The following PCDH11Y variants were observed in gnomAD, a reference collection of about 807,000 sequenced individuals.
PCDH11Y encodes the protein protocadherin 11 Y-linked.
For missense variants in PCDH11Y, 12 were observed against 224.8 expected (o/e 0.05, Z 6.05); for synonymous variants, 9 against 83.6 (o/e 0.11, Z 4.87).
At chrY:5,387,236 G>C (rs2053216708) in intron 2 of PCDH11Y, among the ~76,000 whole-genome samples, 1 of 32,797 alleles carries the variant, frequency 3.0e-5, no homozygotes, top group African/African-American at 1.2e-4. Flanking sequence ...ATATTGGCTA[G>C]GCTGGTCTTG....
intron 4 of PCDH11Y, among the ~76,000 whole-genome samples, chrY:5,689,487 A>G: frequency 5.9e-5 from 2 of 33,632 alleles, no homozygotes; most frequent in African/African-American, 2.3e-4. Flanking sequence ...AATCGTTGCC[A>G]TATTTTGAAA....
intron 3 of PCDH11Y, among the ~76,000 whole-genome samples, chrY:5,505,006 AGCCAGGG>A (rs2053357744): frequency 3.0e-5 from 1 of 33,141 alleles, no homozygotes; most frequent in Non-Finnish European, 7.5e-5. Context: ...ATGTTTATGA[AGCCAGGG>A]TTTTTATGTT....
intron 2 of PCDH11Y, among the ~76,000 whole-genome samples, chrY:5,407,839 A>C (rs1286274413): frequency 3.7e-5 from 1 of 26,774 alleles, no homozygotes; most frequent in African/African-American, 1.5e-4. Flanking sequence ...GGAGTGAACC[A>C]GCGGGCGGAG....
intron 2 of PCDH11Y, among the ~76,000 whole-genome samples, chrY:5,160,589 G>A: frequency 9.5e-5 from 3 of 31,420 alleles, no homozygotes; most frequent in Non-Finnish European, 2.4e-4. Context: ...ACTATATACA[G>A]ATTTTGTGAG....
chrY:5,577,451 C>T (rs2053447224), intron 3 of PCDH11Y, among the ~76,000 whole-genome samples: 2 of 32,894 alleles, frequency 6.1e-5, no homozygotes, highest in Non-Finnish European at 1.5e-4. Context: ...ATGGTAATTG[C>T]ATATTTTGTG....
At chrY:5,230,641 G>T in intron 2 of PCDH11Y, among the ~76,000 whole-genome samples, 2 of 30,699 alleles carry the variant, frequency 6.5e-5, no homozygotes, top group African/African-American at 1.3e-4. Flanking sequence ...GGTTGAATCT[G>T]CTTTATGTTC....
chrY:5,315,517 A>G (rs2053106204), intron 2 of PCDH11Y, among the ~76,000 whole-genome samples: 1 of 33,817 alleles, frequency 3.0e-5, no homozygotes, highest in Non-Finnish European at 7.3e-5. Flanking sequence ...CCATTCTTCC[A>G]TCAACTGGAG....
chrY:5,280,794 A>T, intron 2 of PCDH11Y, among the ~76,000 whole-genome samples: 1 of 33,068 alleles, frequency 3.0e-5, no homozygotes, highest in Non-Finnish European at 7.5e-5. Context: ...GACTTTTTAA[A>T]AATAGGCACT....
At chrY:5,030,881 CAT>C (rs2052589314) in intron 1 of PCDH11Y, 1 of 31,489 alleles carries the variant, frequency 3.2e-5, no homozygotes, top group African/African-American at 1.2e-4. Context: ...ATAAACTTAA[CAT>C]GTGCTTTATA....
chrY:5,704,720 C>G, intron 4 of PCDH11Y, among the ~76,000 whole-genome samples: 1 of 32,734 alleles, frequency 3.1e-5, no homozygotes, highest in Non-Finnish European at 7.5e-5. Context: ...TGAGCCACCG[C>G]GCCCGGCCAA....
At chrY:5,295,001 TCACAAGA>T (rs2053071940) in intron 2 of PCDH11Y, among the ~76,000 whole-genome samples, 1 of 33,739 alleles carries the variant, frequency 3.0e-5, no homozygotes, top group Non-Finnish European at 7.4e-5. Context: ...CAGAATATTT[TCACAAGA>T]TATACTATTC....
rs749547433 is a variant in PCDH11Y, at chrY:5,301,815, G to T, written c.3130-199242G>T. On this transcript the variant is annotated intron_variant, in intron 2 of 4. Coordinates refer to the PCDH11Y transcript ENST00000400457. ...CCACAGTAAACTTTGAAGGTAACCT[G>T]ATTTTTTTTTCATAGCCTTCACATG... Among the ~76,000 whole-genome samples the T allele has an allele frequency of 1.4e-3, 43 of 31,569 alleles. No individual in the cohort carries two copies. In the South Asian group the frequency reaches 0.029, roughly 21 times the overall value. 84.7% of individuals were successfully genotyped at this position (31,569 alleles called of 37,273 possible). A position where few individuals can be genotyped will look rare whatever the true frequency, so the allele number is the denominator to read the frequency against.
chrY:5,188,107 C>G (rs2052908152), intron 2 of PCDH11Y, among the ~76,000 whole-genome samples: 1 of 33,515 alleles, frequency 3.0e-5, no homozygotes, highest in Non-Finnish European at 7.4e-5. Flanking sequence ...TACTTCCCAA[C>G]AAATTCCCCA....
intron 2 of PCDH11Y, among the ~76,000 whole-genome samples, chrY:5,421,970 G>C: frequency 1.1e-4 from 3 of 28,496 alleles, no homozygotes; most frequent in Admixed American, 1.0e-3. Flanking sequence ...AACATTCTTA[G>C]AACTAAAAAT....
At chrY:5,259,499 T>G in intron 2 of PCDH11Y, among the ~76,000 whole-genome samples, 1 of 32,169 alleles carries the variant, frequency 3.1e-5, no homozygotes, top group Non-Finnish European at 7.6e-5. Context: ...CCATGAGGCT[T>G]GCAAATATCA....
intron 1 of PCDH11Y, among the ~76,000 whole-genome samples, chrY:5,080,110 C>G: frequency 3.4e-5 from 1 of 29,016 alleles, no homozygotes; most frequent in Non-Finnish European, 8.2e-5. Context: ...TGCCACCAGT[C>G]TCTTCACTAA....
chrY:5,216,275 T>C (rs2052946226), intron 2 of PCDH11Y, among the ~76,000 whole-genome samples: 2 of 32,329 alleles, frequency 6.2e-5, no homozygotes, highest in Non-Finnish European at 1.5e-4. Flanking sequence ...TATCTTGTTA[T>C]TGATTTCTTC....
intron 2 of PCDH11Y, among the ~76,000 whole-genome samples, chrY:5,301,973 A>T: frequency 3.4e-5 from 1 of 29,083 alleles, no homozygotes; most frequent in African/African-American, 1.3e-4. Context: ...TTGAATGACC[A>T]TGTAGTATAT....
intron 3 of PCDH11Y, among the ~76,000 whole-genome samples, chrY:5,575,444 G>C (rs2124696788): frequency 3.2e-5 from 1 of 31,631 alleles, no homozygotes; most frequent in East Asian, 8.5e-4. Context: ...GTTGTTTCCT[G>C]ATATCATGTC....
Sources: allele counts gnomAD v4.1 joint callset (sites outside exome capture counted in the v4.1 genomes callset), GRCh38; gene constraint gnomAD v4.1.1; transcripts MANE v1.5; gene names NCBI Gene and HGNC (gene_info 2026-07-23, HGNC 2026-07-21).